The following CENPF variants were observed in gnomAD, a reference collection of about 807,000 sequenced individuals.
CENPF encodes the protein centromere protein F, also known as AH antigen.
CENPF carries 214 observed loss-of-function variants against 307.3 expected under a neutral mutation model. The observed-to-expected ratio is 0.70, with a 90% confidence interval of 0.62 to 0.78. CENPF has a LOEUF of 0.78. Ranked by LOEUF, CENPF falls within the 30% of genes least tolerant of loss-of-function variation. The probability of loss-of-function intolerance (pLI) is 0.00; values close to 1 mark genes in which losing one functional copy is unlikely to be tolerated. For synonymous variants in CENPF, 1,259 were observed against 1,270.6 expected (o/e 0.99, Z 0.19); for missense variants, 3,401 against 3,483.9 (o/e 0.98, Z 0.60).
At chr1:214,608,395 C>T (rs1657098878) in intron 1 of CENPF, 10 of 1,613,496 alleles carry the variant, frequency 6.2e-6, no homozygotes, top group Non-Finnish European at 8.5e-6. Flanking sequence ...GGCACCGTAG[C>T]CGGAGTAGTC....
intron 10 of CENPF, among the ~76,000 whole-genome samples, chr1:214,634,615 C>T (rs1558179695): frequency 6.6e-6 from 1 of 152,222 alleles, no homozygotes; most frequent in African/African-American, 2.4e-5. Flanking sequence ...CACATAAGTG[C>T]TCAGTCAGTT....
At chr1:214,662,896 C>T (rs1334338010) in intron 19 of CENPF, among the ~76,000 whole-genome samples, 1 of 152,078 alleles carries the variant, frequency 6.6e-6, no homozygotes, top group Non-Finnish European at 1.5e-5. Context: ...CCTCTTGCCT[C>T]AGCCTCCTGA....
Position 214,645,526 on chromosome 1 carries a change from G to T in CENPF, c.5956G>T (p.Glu1986Ter). 6.2e-7 allele frequency: 1 copy of T among 1,614,056 alleles called. No homozygotes were observed. Among genetic ancestry groups the T allele is most frequent in the South Asian group, 1.1e-5 (1 of 91,068 alleles). The change falls in exon 13 of 20, where the codon GAG (glutamate) becomes TAG (stop). Residue 1986 changes from glutamate to a stop codon, truncating the protein, a stop_gained. Coordinates refer to ENST00000366955, the MANE Select transcript of CENPF (RefSeq NM_016343.4). LOFTEE classifies it high-confidence loss of function. ...ALDQLSEKMK[E>*]KTQELESHQS... ...GGATCAGTTGTCTGAAAAAATGAAG[G>T]AGAAAACACAAGAGCTTGAGTCTCA...
rs751105483 is a variant in CENPF, at chr1:214,646,668, A to G, written c.7098A>G (p.Val2366=). ...AGGCAGAGAATTCCAAAGGAGAGGT[A>G]GAGACCCTAAAAGCAAAAATAGAAG... ...ALEAENSKGE[V]ETLKAKIEGM... The change falls in exon 13 of 20, where the codon GTA becomes GTG. Residue 2366 remains valine, a synonymous_variant. Transcript: ENST00000366955. The G allele has an allele frequency of 3.1e-6, 5 of 1,614,104 alleles. No individual in the cohort carries two copies. The highest frequency in any genetic ancestry group is 4.2e-6 in the Non-Finnish European group (5 of 1,180,004).
chr1:214,635,447 A>G (rs911095813), intron 10 of CENPF, among the ~76,000 whole-genome samples: 2 of 152,226 alleles, frequency 1.3e-5, no homozygotes, highest in African/African-American at 4.8e-5. Flanking sequence ...TTTCCAGCAT[A>G]GTACCCAATT....
chr1:214,656,235 G>C (rs74140302), intron 17 of CENPF, among the ~76,000 whole-genome samples: 1 of 152,152 alleles, frequency 6.6e-6, no homozygotes, highest in African/African-American at 2.4e-5. Context: ...TGTGCTTACC[G>C]TGTGGATAGA....
At chr1:214,617,822 C>G (rs1049821061) in intron 3 of CENPF, among the ~76,000 whole-genome samples, 2 of 152,122 alleles carry the variant, frequency 1.3e-5, no homozygotes, top group African/African-American at 4.8e-5. Context: ...GTTCTAGGTT[C>G]TTTTATGTCT....
At chr1:214,656,115 G>A (rs1658625412) in intron 17 of CENPF, among the ~76,000 whole-genome samples, 1 of 152,134 alleles carries the variant, frequency 6.6e-6, no homozygotes, top group Non-Finnish European at 1.5e-5. Flanking sequence ...TCAACTAAAG[G>A]GAACGGGTGA....
chr1:214,658,151 C>T (rs898876336), intron 18 of CENPF, among the ~76,000 whole-genome samples: 2 of 151,122 alleles, frequency 1.3e-5, no homozygotes, highest in Non-Finnish European at 2.9e-5. Flanking sequence ...AGTTATCTAT[C>T]TCTCACTGGT....
chr1:214,646,439 A>G lies in CENPF; in HGVS notation c.6869A>G (p.Asp2290Gly). The G allele has an allele frequency of 6.2e-7, 1 of 1,614,108 alleles. No homozygotes were observed. The highest frequency in any genetic ancestry group is 8.5e-7 in the Non-Finnish European group (1 of 1,180,004). ...EIMKATEQSL[D>G]PPIEEEHQLR... ...ATGAAGGCCACAGAACAGAGTCTAGACCCACCAATAGAGGAAGAGCATCAG... is the reference window on the plus strand; with the variant it reads ...ATGAAGGCCACAGAACAGAGTCTAGGCCCACCAATAGAGGAAGAGCATCAG... Residue 2290 changes from aspartate (D) to glycine (G), a missense_variant, in exon 13 of 20, where the codon GAC (aspartate) becomes GGC (glycine). Coordinates refer to ENST00000366955, the MANE Select transcript of CENPF (RefSeq NM_016343.4).
chr1:214,652,756 C>A, intron 15 of CENPF, 72 bp from the exon 16 acceptor site: 1 of 1,375,644 alleles, frequency 7.3e-7, no homozygotes, highest in African/African-American at 1.5e-5. Context: ...TTTTGTTTTT[C>A]TGACTATTTT....
intron 13 of CENPF, 54 bp downstream of exon 13, chr1:214,647,454 ATAT>A: frequency 9.3e-6 from 14 of 1,510,192 alleles, no homozygotes; most frequent in Non-Finnish European, 1.2e-5. Flanking sequence ...GCAGGAAACC[ATAT>A]TTTCTTCTAG....
intron 17 of CENPF, 53 bp from the exon 18 acceptor site, chr1:214,656,880 G>A: frequency 1.7e-6 from 2 of 1,205,324 alleles, no homozygotes; most frequent in Non-Finnish European, 2.3e-6. Flanking sequence ...GATGCCCATT[G>A]TTAACTAGAG....
In CENPF at chr1:214,642,860, CTT is replaced by C. The variant is rs756615557; in HGVS notation, c.4525_4526del (p.Leu1509GlufsTer2). The C allele has an allele frequency of 1.2e-6, 2 of 1,613,992 alleles. No individual in the cohort carries two copies. The highest frequency in any genetic ancestry group is 1.7e-6 in the Non-Finnish European group (2 of 1,179,978). On this transcript the variant is annotated frameshift_variant, in exon 12 of 20. Coordinates refer to ENST00000366955, the MANE Select transcript of CENPF (RefSeq NM_016343.4). LOFTEE classifies it high-confidence loss of function. ...ALLEQTGDMS[L>X]LSNLEGAVSA... ...TTTAGAACAGACAGGAGATATGTCT[CTT>C]TTGAGTAATTTAGAAGGGGCTGTTT... is the stretch of plus-strand genomic sequence containing the variant.
In CENPF at chr1:214,642,208, G is replaced by A; in HGVS notation, c.3870G>A (p.Gln1290=). The A allele has an allele frequency of 6.2e-7, 1 of 1,614,154 alleles. No individual in the cohort carries two copies. Among genetic ancestry groups the A allele is most frequent in the Non-Finnish European group, 8.5e-7 (1 of 1,180,024 alleles). The change falls in exon 12 of 20, where the codon CAG becomes CAA. Residue 1290 remains glutamine (Q), a synonymous_variant. Transcript: ENST00000366955. ...GTCAAAACGACAATGCACACCTTCA[G>A]TGCTCTCTGCAAACAACAATGAACA... ...STSQNDNAHL[Q]CSLQTTMNKL... is the part of the protein sequence containing the mutation.
intron 6 of CENPF, among the ~76,000 whole-genome samples, 158 bp from the exon 7 acceptor site, chr1:214,621,917 AAACT>A (rs1216630727): frequency 3.0e-4 from 46 of 152,256 alleles, no homozygotes; most frequent in African/African-American, 9.2e-4. Flanking sequence ...ATGACAATAG[AAACT>A]AACTATTGAA....
rs756161707 is a variant in CENPF at position 214,643,025 on chromosome 1, C to G, written c.4687C>G (p.Leu1563Val). The part of the protein sequence containing the change: ...ESLCEVYRQS[L>V]EKLEEKMESQ... ...CCTCTGTGAGGTGTACCGGCAGTCCCTCGAGAAGCTAGAAGAGAAAATGGA... is the reference window on the plus strand; with the variant it reads ...CCTCTGTGAGGTGTACCGGCAGTCCGTCGAGAAGCTAGAAGAGAAAATGGA... Residue 1563 changes from leucine (L) to valine (V), a missense_variant, in exon 12 of 20, where the codon CTC (leucine) becomes GTC (valine). By Grantham distance (32) the Leu-to-Val change is conservative. Transcript: ENST00000366955. 6.2e-7 allele frequency: 1 copy of G among 1,609,478 alleles called. No homozygotes were observed. Among genetic ancestry groups the G allele is most frequent in the Non-Finnish European group, 8.5e-7 (1 of 1,178,744 alleles).
rs752841431 is a variant in CENPF at position 214,647,445 on chromosome 1, C to T, written c.7830+45C>T. 23 of 1,526,320 alleles carry T rather than the reference C, an allele frequency of 1.5e-5. No homozygotes were observed. The South Asian group carries it at 2.8e-4, about 18-fold the overall frequency. The allele number at this position is 1,526,320 out of a possible 1,614,324, so 94.5% of individuals were successfully genotyped here. A position where few individuals can be genotyped will look rare whatever the true frequency, so the allele number is the denominator to read the frequency against. ...TATGTTTAAATATGTAGTCATGAGG[C>T]AGGAAACCATATTTTCTTCTAGACA... On this transcript the variant is annotated intron_variant, in intron 13 of 19. Coordinates refer to ENST00000366955, the MANE Select transcript of CENPF (RefSeq NM_016343.4).
chr1:214,663,080 A>T (rs1201554020), intron 19 of CENPF, among the ~76,000 whole-genome samples: 1 of 152,236 alleles, frequency 6.6e-6, no homozygotes, highest in African/African-American at 2.4e-5. Context: ...CTTTATTGTT[A>T]GATAGCTGCC....
Sources: allele counts gnomAD v4.1 joint callset (sites outside exome capture counted in the v4.1 genomes callset), GRCh38; gene constraint gnomAD v4.1.1; transcripts MANE v1.5; gene names NCBI Gene and HGNC (gene_info 2026-07-23, HGNC 2026-07-21).